Variants in FAT3 observed in about 807,000 individuals in gnomAD.
The protein encoded by FAT3 is protocadherin Fat 3.
Under a neutral mutation model 310.2 loss-of-function variants are expected in FAT3, and 95 were observed. The ratio of observed to expected loss-of-function variants is 0.31; its 90% CI spans 0.26 to 0.36. FAT3 has a LOEUF of 0.36. Among genes scored for constraint, FAT3 ranks in the 10% least tolerant of loss-of-function variants. The pLI is 1.00. For missense variants in FAT3, 5,408 were observed against 5,715.6 expected, an observed-to-expected ratio of 0.95 and a Z score of 1.74; for synonymous variants, 2,314 against 2,192.9, an observed-to-expected ratio of 1.06 and a Z score of -1.54.
chr11:92,717,931 G>A (rs185507433), intron 4 of FAT3, among the ~76,000 whole-genome samples: 85 of 152,258 alleles, frequency 5.6e-4, no homozygotes, highest in Non-Finnish European at 3.7e-4. Flanking sequence ...GCTAGATTCA[G>A]CTAAATAGTC....
chr11:92,375,923 CA>C (rs140551786), intron 2 of FAT3, among the ~76,000 whole-genome samples: 5 of 152,320 alleles, frequency 3.3e-5, no homozygotes, highest in Non-Finnish European at 7.3e-5. Flanking sequence ...CTTTTACTCA[CA>C]GAACTCTTTA....
At chr11:92,774,011 G>T (rs1023626503) in intron 6 of FAT3, 30 bp from the exon 7 acceptor site, 1 of 1,609,780 alleles carries the variant, frequency 6.2e-7, no homozygotes, top group African/African-American at 1.3e-5. Flanking sequence ...TATCAGATTT[G>T]CTAATTTCAT....
At chr11:92,558,012 G>C (rs1955082877) in intron 3 of FAT3, among the ~76,000 whole-genome samples, 1 of 152,120 alleles carries the variant, frequency 6.6e-6, no homozygotes, top group Admixed American at 6.5e-5. Flanking sequence ...GATATCTCCT[G>C]TTATCACATT....
intron 1 of FAT3, among the ~76,000 whole-genome samples, chr11:92,265,299 T>C (rs1315894944): frequency 1.3e-5 from 2 of 151,812 alleles, no homozygotes; most frequent in Non-Finnish European, 2.9e-5. Flanking sequence ...TTATATATCC[T>C]CTCCTTCTAT....
intron 3 of FAT3, among the ~76,000 whole-genome samples, chr11:92,619,229 A>G (rs1303728917): frequency 1.3e-5 from 2 of 152,076 alleles, no homozygotes; most frequent in Non-Finnish European, 2.9e-5. Context: ...TCTTTGCTGG[A>G]TTCAGTTTGC....
chr11:92,485,164 A>G (rs1328451474), intron 2 of FAT3, among the ~76,000 whole-genome samples: 1 of 152,262 alleles, frequency 6.6e-6, no homozygotes, highest in Non-Finnish European at 1.5e-5. Context: ...GTGGTAGACA[A>G]TAATGTAATG....
chr11:92,441,395 C>A (rs1340515113), intron 2 of FAT3, among the ~76,000 whole-genome samples: 1 of 152,104 alleles, frequency 6.6e-6, no homozygotes, highest in East Asian at 1.9e-4. Context: ...ATCTTGCTTT[C>A]CATAGTAATG....
intron 19 of FAT3, among the ~76,000 whole-genome samples, chr11:92,845,897 TC>T (rs1339508486): frequency 6.6e-6 from 1 of 152,080 alleles, no homozygotes; most frequent in Admixed American, 6.5e-5. Flanking sequence ...TTTGACAGGC[TC>T]CAAGCAGCCC....
chr11:92,743,063 G>C (rs1413884482), intron 4 of FAT3, among the ~76,000 whole-genome samples: 1 of 152,186 alleles, frequency 6.6e-6, no homozygotes, highest in African/African-American at 2.4e-5. Context: ...TGAAATATCA[G>C]ACCTACAGCC....
chr11:92,571,762 T>G (rs542135041), intron 3 of FAT3, among the ~76,000 whole-genome samples: 39 of 152,318 alleles, frequency 2.6e-4, no homozygotes, highest in African/African-American at 9.1e-4. Context: ...GTTCTTAGTT[T>G]TCTTTATCTA....
intron 1 of FAT3, among the ~76,000 whole-genome samples, chr11:92,297,645 T>C (rs1037774272): frequency 1.3e-5 from 2 of 152,138 alleles, no homozygotes; most frequent in Non-Finnish European, 2.9e-5. Flanking sequence ...TCCAAATCTA[T>C]GACAATTTTC....
At chr11:92,623,779 T>C (rs2135676935) in intron 3 of FAT3, among the ~76,000 whole-genome samples, 1 of 152,086 alleles carries the variant, frequency 6.6e-6, no homozygotes, top group East Asian at 2.0e-4. Context: ...CCGTCTCTAC[T>C]AAAAATACAA....
chr11:92,358,077 G>T (rs536372523), intron 2 of FAT3, among the ~76,000 whole-genome samples: 9 of 151,976 alleles, frequency 5.9e-5, no homozygotes, highest in African/African-American at 2.2e-4. Context: ...GGAAGCTGAG[G>T]CAGGAAGGAG....
At chr11:92,276,720 C>A (rs1027982871) in intron 1 of FAT3, among the ~76,000 whole-genome samples, 24 of 152,170 alleles carry the variant, frequency 1.6e-4, no homozygotes, top group African/African-American at 5.8e-4. Flanking sequence ...AGCAGAGCCA[C>A]TGGCCTACTT....
At chr11:92,819,918 T>C (rs1591777272) in intron 13 of FAT3, among the ~76,000 whole-genome samples, 1 of 152,176 alleles carries the variant, frequency 6.6e-6, no homozygotes, top group African/African-American at 2.4e-5. Context: ...ATGCCAATAT[T>C]CCTCCGTTAT....
Position 92,843,945 on chromosome 11 carries a change from A to C in FAT3, c.10578A>C (p.Ser3526=), listed in dbSNP as rs1565643108. The C allele has an allele frequency of 6.2e-7, 1 of 1,600,848 alleles. No individual in the cohort carries two copies. The highest frequency in any genetic ancestry group is 1.3e-5 in the African/African-American group (1 of 74,706). ...EYVLCVQAKD[S]GKPQQVSHTY... The stretch of plus-strand genomic sequence containing the variant: ...CTTGGTTGTTTTAGGCAAAGGATTC[A>C]GGCAAACCCCAGCAAGTTTCTCACA... Residue 3526 remains serine, a synonymous_variant, in exon 19 of 28, where the codon TCA becomes TCC. Transcript: ENST00000525166.
At chr11:92,845,199 C>G (rs1182210766) in intron 19 of FAT3, among the ~76,000 whole-genome samples, 1 of 152,228 alleles carries the variant, frequency 6.6e-6, no homozygotes, top group Non-Finnish European at 1.5e-5. Context: ...TGAAATAAGG[C>G]TTGAGAGCAG....
intron 3 of FAT3, among the ~76,000 whole-genome samples, chr11:92,684,381 C>A (rs1218473097): frequency 6.6e-6 from 1 of 152,100 alleles, no homozygotes; most frequent in African/African-American, 2.4e-5. Flanking sequence ...GAAAGAAAGT[C>A]CCGGGACCCT....
At chr11:92,320,869 CA>C (rs1555010869) in intron 1 of FAT3, among the ~76,000 whole-genome samples, 191 of 104,696 alleles carry the variant, frequency 1.8e-3, no homozygotes, top group Middle Eastern at 4.5e-3. Context: ...AACTCCATCT[CA>C]AAAAAAAAAA....
Sources: allele counts gnomAD v4.1 joint callset (sites outside exome capture counted in the v4.1 genomes callset), GRCh38; gene constraint gnomAD v4.1.1; transcripts MANE v1.5; gene names NCBI Gene and HGNC (gene_info 2026-07-23, HGNC 2026-07-21).